The following BEND3 variants were observed in gnomAD, a reference collection of about 807,000 sequenced individuals.
The protein encoded by BEND3 is BEN domain-containing protein 3.
Under a neutral mutation model 60.1 loss-of-function variants are expected in BEND3, and 13 were observed. That is an observed-to-expected ratio of 0.22 (90% CI 0.14 to 0.34). The LOEUF (loss-of-function observed/expected upper bound fraction) is 0.34, where lower values mean the gene tolerates loss of function less well. BEND3 is among the 10% of genes least tolerant of loss of function. The pLI, the probability that BEND3 is intolerant of heterozygous loss-of-function variation, is 1.00. For missense variants in BEND3, 896 were observed against 1,138.1 expected, an observed-to-expected ratio of 0.79 and a Z score of 3.06; for synonymous variants, 497 against 491.5, an observed-to-expected ratio of 1.01 and a Z score of -0.15.
chr6:107,107,029 C>T (rs1412622809), intron 1 of BEND3, among the ~76,000 whole-genome samples: 2 of 151,354 alleles, frequency 1.3e-5, no homozygotes, highest in Admixed American at 6.6e-5. Context: ...CTCTGCCTCC[C>T]GGGTTCAAGT....
At chr6:107,101,030 C>G (rs1775691656) in intron 1 of BEND3, among the ~76,000 whole-genome samples, 1 of 152,056 alleles carries the variant, frequency 6.6e-6, no homozygotes, top group South Asian at 2.1e-4. Context: ...GGTGAAACCC[C>G]ATCTGTACTA....
chr6:107,078,538 T>C (rs1775147021), intron 3 of BEND3, among the ~76,000 whole-genome samples: 1 of 147,112 alleles, frequency 6.8e-6, no homozygotes, highest in African/African-American at 2.5e-5. Flanking sequence ...CACTGCAAGC[T>C]CTGCCTCCTG....
intron 3 of BEND3, among the ~76,000 whole-genome samples, chr6:107,096,282 C>T (rs1554235922): frequency 6.6e-6 from 1 of 152,198 alleles, no homozygotes; most frequent in Non-Finnish European, 1.5e-5. Flanking sequence ...AAGCCAGACA[C>T]ATATGGCCAT....
chr6:107,099,850 A>T (rs1775668239), intron 1 of BEND3, among the ~76,000 whole-genome samples: 1 of 147,598 alleles, frequency 6.8e-6, no homozygotes, highest in Non-Finnish European at 1.5e-5. Flanking sequence ...TAGTAACAGA[A>T]ATGCAAAATA....
chr6:107,096,777 A>G (rs1392091087), intron 3 of BEND3, among the ~76,000 whole-genome samples: 3 of 152,176 alleles, frequency 2.0e-5, no homozygotes, highest in African/African-American at 7.2e-5. Context: ...CTAAAATAGC[A>G]TAACTCTGGG....
At chr6:107,104,425 T>C (rs1775771949) in intron 1 of BEND3, among the ~76,000 whole-genome samples, 1 of 152,188 alleles carries the variant, frequency 6.6e-6, no homozygotes, top group African/African-American at 2.4e-5. Context: ...CCCCATTTTT[T>C]ACCAGGTAAT....
chr6:107,081,679 T>G (rs1367597429), intron 3 of BEND3, among the ~76,000 whole-genome samples: 2 of 152,118 alleles, frequency 1.3e-5, no homozygotes, highest in Non-Finnish European at 2.9e-5. Context: ...CATTTTTGGT[T>G]TTGATCCTTT....
At chr6:107,071,637 C>T (rs1013255725) in intron 3 of BEND3, among the ~76,000 whole-genome samples, 52 of 152,230 alleles carry the variant, frequency 3.4e-4, no homozygotes, top group Admixed American at 4.6e-4. Context: ...AACAACCCCC[C>T]GTTTCTGAAA....
In BEND3 at chr6:107,069,602, C is replaced by G; in HGVS notation, c.1589G>C (p.Trp530Ser). Residue 530 changes from tryptophan to serine, a missense_variant, in exon 4 of 4, where the codon TGG becomes TCG. Trp to Ser is a radical substitution (Grantham distance 177). Around this residue, in one of 4 missense-constraint regions of BEND3, gnomAD observed 846 missense variants for 1,036.7 expected, o/e 0.82. Coordinates refer to ENST00000369042, the MANE Select transcript of BEND3 (RefSeq NM_001367314.1). Reference protein sequence around the residue: ...ERPGRRSKKIWLVPIDFDKLE... With the variant: ...ERPGRRSKKISLVPIDFDKLE... Reference sequence around the variant, plus strand: ...CTTGTCGAAGTCGATGGGCACCAGCCAGATCTTCTTGGAGCGGCGACCCGG... The same window carrying G: ...CTTGTCGAAGTCGATGGGCACCAGCGAGATCTTCTTGGAGCGGCGACCCGG... The G allele has an allele frequency of 6.2e-7, 1 of 1,612,590 alleles. No individual in the cohort carries two copies. Among genetic ancestry groups the G allele is most frequent in the Non-Finnish European group, 8.5e-7 (1 of 1,180,022 alleles).
rs782121064 is a variant in BEND3, at chr6:107,070,931, C to T, written c.260G>A (p.Arg87Gln). ...LIPEALLAGMRNRENSSPCQG... is the reference protein window; with the variant it reads ...LIPEALLAGMQNRENSSPCQG... ...GCAGGGCGAGCTGTTCTCACGGTTC[C>T]GCATGCCTGCTAGGAGAGCCTGCAA... Residue 87 changes from arginine to glutamine, a missense_variant, in exon 4 of 4, where the codon CGG becomes CAG. Physicochemically the swap from Arg to Gln is conservative, Grantham distance 43 (BLOSUM62 1). Around this residue, in one of 4 missense-constraint regions of BEND3, gnomAD observed 846 missense variants for 1,036.7 expected, o/e 0.82. Coordinates refer to ENST00000369042, the MANE Select transcript of BEND3 (RefSeq NM_001367314.1). This position sits in a 1 kb window ranked among gnomAD's most constrained non-coding sequence, Gnocchi z 6.9. 16 of 1,611,120 alleles carry T rather than the reference C, an allele frequency of 9.9e-6. No individual in the cohort carries two copies. The highest frequency in any genetic ancestry group is 3.4e-5 in the Admixed American group (2 of 59,490).
At chr6:107,072,493 CA>C (rs1775003575) in intron 3 of BEND3, among the ~76,000 whole-genome samples, 1 of 152,142 alleles carries the variant, frequency 6.6e-6, no homozygotes, top group Admixed American at 6.6e-5. Flanking sequence ...AATGCCAGCA[CA>C]AAACAGTGCA....
intron 3 of BEND3, among the ~76,000 whole-genome samples, chr6:107,080,365 A>AAC (rs1582648534): frequency 2.0e-5 from 3 of 149,604 alleles, no homozygotes; most frequent in South Asian, 2.1e-4. Context: ...AAAAAAAAAA[A>AAC]AAAAAAAAAA....
Position 107,070,435 on chromosome 6 carries a change from C to T in BEND3, c.756G>A (p.Glu252=), listed in dbSNP as rs1554231825. ...PPPEYQLTAA[E]LKQIVDQSLS... is the part of the protein sequence containing the mutation. Reference sequence around the variant, plus strand: ...GGCTCTGGTCCACGATCTGCTTGAGCTCTGCGGCTGTGAGCTGGTACTCAG... The same window carrying T: ...GGCTCTGGTCCACGATCTGCTTGAGTTCTGCGGCTGTGAGCTGGTACTCAG... Residue 252 remains glutamate, a synonymous_variant, in exon 4 of 4, where the codon GAG becomes GAA. Coordinates refer to ENST00000369042, the MANE Select transcript of BEND3 (RefSeq NM_001367314.1). The surrounding 1 kb of genome is among the most constrained non-coding windows in gnomAD (Gnocchi z 6.9). The T allele has an allele frequency of 5.0e-6, 8 of 1,613,992 alleles. No individual in the cohort carries two copies. The highest frequency in any genetic ancestry group is 6.8e-6 in the Non-Finnish European group (8 of 1,180,032).
Position 107,080,370 on chromosome 6 carries a change from A to AC in BEND3, c.241-9421_241-9420insG, listed in dbSNP as rs1775204025. On this transcript the variant is annotated intron_variant, in intron 3 of 3. Transcript: ENST00000369042. ...ATCCCATCTCAAAAAAAAAAAAAAAAAAAAAAACAAAAAACAGGAAAAAGA... is the reference window on the plus strand; with the variant it reads ...ATCCCATCTCAAAAAAAAAAAAAAAACAAAAAAACAAAAAACAGGAAAAAGA... Among the ~76,000 whole-genome samples the AC allele has an allele frequency of 3.4e-5, 5 of 145,266 alleles. No individual in the cohort carries two copies. The East Asian group carries it at 5.8e-4, about 17-fold the overall frequency.
chr6:107,111,223 C>T (rs1387516309), intron 1 of BEND3, among the ~76,000 whole-genome samples: 1 of 151,852 alleles, frequency 6.6e-6, no homozygotes, highest in Admixed American at 6.6e-5. Flanking sequence ...AAAGATAACA[C>T]ATGTAGGCTA....
intron 1 of BEND3, among the ~76,000 whole-genome samples, chr6:107,113,412 CG>C (rs1457403188): frequency 7.6e-6 from 1 of 131,416 alleles, no homozygotes; most frequent in Non-Finnish European, 1.6e-5. Flanking sequence ...CACTCCAGCC[CG>C]GGTGACAGAG....
intron 3 of BEND3, among the ~76,000 whole-genome samples, chr6:107,092,518 T>C (rs547383936): frequency 2.0e-5 from 3 of 152,292 alleles, no homozygotes; most frequent in East Asian, 3.9e-4. Context: ...ACAGCTAACA[T>C]TGTACTTAAT....
chr6:107,078,674 A>G (rs1775155499), intron 3 of BEND3, among the ~76,000 whole-genome samples: 2 of 150,886 alleles, frequency 1.3e-5, no homozygotes, highest in Admixed American at 6.6e-5. Context: ...CTGCGTCCTC[A>G]TGTGGACTAT....
chr6:107,068,664 G>GC lies in BEND3; in HGVS notation c.*39dup. ...CAGTCCCAAGGGTGCCCATCGCTCA[G>GC]CCTCTGGTGACCCCGAATCTCTGGG... On this transcript the variant is annotated 3_prime_UTR_variant, in exon 4 of 4. Transcript: ENST00000369042. This position sits in a 1 kb window ranked among gnomAD's most constrained non-coding sequence, Gnocchi z 5.8. The GC allele has an allele frequency of 1.3e-6, 2 of 1,589,316 alleles. No homozygotes were observed. The highest frequency in any genetic ancestry group is 2.3e-5 in the South Asian group (2 of 85,708).
Sources: gnomAD v4.1 joint callset for allele counts (sites outside exome capture counted in the v4.1 genomes callset) on GRCh38, gnomAD v4.1.1 for gene constraint, gnomAD v4.1.1 regional missense constraint, Gnocchi (gnomAD v3.1) non-coding constraint, MANE v1.5 for transcripts, NCBI Gene and HGNC (gene_info 2026-07-23, HGNC 2026-07-21) for gene names.